DIP2C: variants seen among roughly 807,000 people sequenced by gnomAD.
DIP2C encodes the protein DIP2 acetate--CoA ligase C (putative).
A neutral mutation model predicts 192.4 loss-of-function variants in DIP2C; 33 were observed. That is an observed-to-expected ratio of 0.17 (90% CI 0.13 to 0.23). The LOEUF (loss-of-function observed/expected upper bound fraction) is 0.23, where lower values mean the gene tolerates loss of function less well. DIP2C is among the 10% of genes least tolerant of loss of function. The pLI is 1.00. For missense variants in DIP2C, 1,537 were observed against 2,110.1 expected, an observed-to-expected ratio of 0.73 and a Z score of 5.32; for synonymous variants, 979 against 864.1, an observed-to-expected ratio of 1.13 and a Z score of -2.33.
chr10:582,985 A>G (rs1430958484), intron 1 of DIP2C, among the ~76,000 whole-genome samples: 3 of 152,264 alleles, frequency 2.0e-5, no homozygotes, highest in Admixed American at 2.0e-4. Context: ...CTCCATAAAC[A>G]AAACACACAG....
intron 1 of DIP2C, among the ~76,000 whole-genome samples, chr10:589,409 A>G (rs1400209075): frequency 6.6e-6 from 1 of 152,192 alleles, no homozygotes; most frequent in Non-Finnish European, 1.5e-5. Flanking sequence ...ACCCTAGGTC[A>G]AGACCCAAGG....
At chr10:365,112 G>A (rs992281545) in intron 19 of DIP2C, 9 of 441,256 alleles carry the variant, frequency 2.0e-5, no homozygotes, top group East Asian at 1.9e-4. Context: ...CCAGAGAAAC[G>A]GAGATGGAGT....
chr10:333,823 CTG>C (rs1957614593), intron 29 of DIP2C, among the ~76,000 whole-genome samples: 2 of 152,304 alleles, frequency 1.3e-5, no homozygotes, highest in East Asian at 3.9e-4. Flanking sequence ...ACTTTATTTC[CTG>C]TGTTTTCGGT....
chr10:290,937 T>C (rs1468311794), intron 32 of DIP2C, among the ~76,000 whole-genome samples: 3 of 152,256 alleles, frequency 2.0e-5, no homozygotes, highest in African/African-American at 7.2e-5. Flanking sequence ...AGGGATGACT[T>C]CAGACAGGGT....
At chr10:592,044 G>A (rs1056486070) in intron 1 of DIP2C, among the ~76,000 whole-genome samples, 6 of 152,204 alleles carry the variant, frequency 3.9e-5, no homozygotes, top group Non-Finnish European at 8.8e-5. Flanking sequence ...TAGGGCATGA[G>A]GGAGACACAT....
chr10:501,795 G>A (rs1185922040), intron 1 of DIP2C, among the ~76,000 whole-genome samples: 3 of 152,102 alleles, frequency 2.0e-5, no homozygotes, highest in South Asian at 2.1e-4. Context: ...CAGGCACTGT[G>A]CCAGGTATTT....
intron 6 of DIP2C, among the ~76,000 whole-genome samples, chr10:417,634 T>G (rs866716603): frequency 6.4e-5 from 8 of 125,728 alleles, no homozygotes; most frequent in African/African-American, 1.2e-4. Flanking sequence ...CTGTCAGGGC[T>G]CGGATAGGCC....
At chr10:498,087 C>T (rs1844972193) in intron 1 of DIP2C, among the ~76,000 whole-genome samples, 1 of 152,060 alleles carries the variant, frequency 6.6e-6, no homozygotes, top group Non-Finnish European at 1.5e-5. Flanking sequence ...CCCAGGCTGG[C>T]CTCAAACTCC....
chr10:572,407 G>A (rs777146905), intron 1 of DIP2C, among the ~76,000 whole-genome samples: 6 of 152,144 alleles, frequency 3.9e-5, no homozygotes, highest in South Asian at 4.1e-4. Context: ...TTTCCATCAC[G>A]GGGTCCCCAT....
intron 1 of DIP2C, among the ~76,000 whole-genome samples, chr10:555,987 C>T (rs1848835402): frequency 6.6e-6 from 1 of 152,240 alleles, no homozygotes; most frequent in South Asian, 2.1e-4. Context: ...CCCCAACACA[C>T]CTCAAATTCT....
chr10:606,333 C>T (rs966168445), intron 1 of DIP2C, among the ~76,000 whole-genome samples: 15 of 152,184 alleles, frequency 9.9e-5, no homozygotes, highest in Admixed American at 9.8e-4. Flanking sequence ...CCACTCGCCC[C>T]GCTGCCGTAA....
At chr10:604,409 GGGAT>G (rs1307459361) in intron 1 of DIP2C, among the ~76,000 whole-genome samples, 5 of 152,208 alleles carry the variant, frequency 3.3e-5, no homozygotes, top group Admixed American at 3.3e-4. Flanking sequence ...CCTAGATGGA[GGGAT>G]GAACACATTC....
intron 1 of DIP2C, among the ~76,000 whole-genome samples, chr10:657,676 G>A (rs1439505286): frequency 7.9e-6 from 1 of 126,572 alleles, no homozygotes; most frequent in Non-Finnish European, 1.7e-5. Context: ...CCTGCCGCTG[G>A]ACCTGATGCT....
intron 1 of DIP2C, among the ~76,000 whole-genome samples, chr10:615,824 CTG>C (rs1853435037): frequency 6.6e-6 from 1 of 152,166 alleles, no homozygotes; most frequent in Non-Finnish European, 1.5e-5. Context: ...GACATTGCGC[CTG>C]TGTCACTTCA....
chr10:571,302 G>A (rs1372675257), intron 1 of DIP2C, among the ~76,000 whole-genome samples: 2 of 152,178 alleles, frequency 1.3e-5, no homozygotes, highest in African/African-American at 4.8e-5. Flanking sequence ...GCCCCACTGA[G>A]GGCCAATCAG....
chr10:664,332 T>C (rs1268998419), intron 1 of DIP2C: 2 of 152,202 alleles, frequency 1.3e-5, no homozygotes, highest in Non-Finnish European at 2.9e-5. Context: ...AAAGAAGGAA[T>C]GGTTTGGGGA....
At position 348,627 on chromosome 10, in the gene DIP2C, C is replaced by G; in HGVS notation, c.3231+14G>C. 1.9e-6 allele frequency: 3 copies of G among 1,611,262 alleles called. No individual in the cohort carries two copies. Among genetic ancestry groups the G allele is most frequent in the Non-Finnish European group, 1.7e-6 (2 of 1,179,022 alleles). Reference sequence around the variant, plus strand: ...CCAGGCAGGTGGAGGCCCCGACATTCCCAGGCATGTTACCTCCACAATCAT... The same window carrying G: ...CCAGGCAGGTGGAGGCCCCGACATTGCCAGGCATGTTACCTCCACAATCAT... On this transcript the variant is annotated intron_variant, in intron 26 of 36. Coordinates refer to ENST00000280886, the MANE Select transcript of DIP2C (RefSeq NM_014974.3).
At chr10:437,872 T>C (rs1466554341) in intron 4 of DIP2C, 3 of 152,188 alleles carry the variant, frequency 2.0e-5, no homozygotes, top group East Asian at 1.9e-4. Context: ...GCAATGAAAC[T>C]GAGATAAGAT....
intron 13 of DIP2C, among the ~76,000 whole-genome samples, chr10:388,735 A>T (rs1018145787): frequency 2.0e-5 from 3 of 152,224 alleles, no homozygotes; most frequent in African/African-American, 4.8e-5. Context: ...TGGGCAGATA[A>T]TAAAAATAGT....
Sources: gnomAD v4.1 joint callset for allele counts (sites outside exome capture counted in the v4.1 genomes callset) on GRCh38, gnomAD v4.1.1 for gene constraint, MANE v1.5 for transcripts, NCBI Gene and HGNC (gene_info 2026-07-23, HGNC 2026-07-21) for gene names.